Variants in GPX1 observed in about 807,000 individuals in gnomAD.
GPX1 encodes the protein GSHPx-1.
In GPX1, 8 loss-of-function variants were observed where a neutral mutation model predicts 11.5. The ratio of observed to expected loss-of-function variants is 0.70; its 90% CI spans 0.41 to 1.25. GPX1 has a LOEUF of 1.25. Among genes scored for constraint, GPX1 ranks in the 50% most tolerant of loss-of-function variants. The probability of loss-of-function intolerance (pLI) is 0.01; values close to 1 mark genes in which losing one functional copy is unlikely to be tolerated. For synonymous variants in GPX1, 142 were observed against 127.8 expected (o/e 1.11, Z -0.75); for missense variants, 266 against 284.3 (o/e 0.94, Z 0.46).
rs760292994 is a variant in GPX1 at position 49,357,456 on chromosome 3, G to A, written c.544C>T (p.Arg182Cys). 24 of 1,613,122 alleles carry A rather than the reference G, an allele frequency of 1.5e-5. No homozygotes were observed. The highest frequency in any genetic ancestry group is 2.0e-5 in the Non-Finnish European group (24 of 1,179,786). The change falls in exon 2 of 2, where the codon CGC becomes TGC. Residue 182 changes from arginine (R) to cysteine (C), a missense_variant. Coordinates refer to ENST00000419783, the MANE Select transcript of GPX1 (RefSeq NM_000581.4). ...GGCTCGATGTCAATGGTCTGGAAGC[G>A]GCGGCTGTACCTGCGTAGGGGCACA... is the stretch of plus-strand genomic sequence containing the variant. ...DGVPLRRYSR[R>C]FQTIDIEPDI... is the part of the protein sequence containing the mutation.
rs1559490390 is a variant in GPX1, at chr3:49,358,289, T to TC, written c.-12dup. On this transcript the variant is annotated 5_prime_UTR_variant, in exon 1 of 2. Coordinates refer to ENST00000419783, the MANE Select transcript of GPX1 (RefSeq NM_000581.4). ...CCGAGCAGCACACATGGCGCAATTG[T>TC]CCAAGAAGCCAGCGGAGCGCCCCGA... 1 of 1,532,500 alleles carries TC rather than the reference T, an allele frequency of 6.5e-7. No homozygotes were observed. The highest frequency in any genetic ancestry group is 1.4e-5 in the African/African-American group (1 of 72,396). 94.9% of individuals were successfully genotyped at this position (1,532,500 alleles called of 1,614,324 possible).
intron 1 of GPX1, 77 bp downstream of exon 1, chr3:49,357,950 A>G: frequency 6.6e-7 from 1 of 1,516,454 alleles, no homozygotes; most frequent in African/African-American, 1.4e-5. Flanking sequence ...AGCCGACGGC[A>G]CCCACCAGCA....
In GPX1 at chr3:49,357,427, G is replaced by A. The variant is rs1407720681; in HGVS notation, c.573C>T (p.Asp191=). Residue 191 remains aspartate, a synonymous_variant, in exon 2 of 2, where the codon GAC becomes GAT. Coordinates refer to ENST00000419783, the MANE Select transcript of GPX1 (RefSeq NM_000581.4). The part of the protein sequence containing the change: ...RRFQTIDIEP[D]IEALLSQGPS... ...GCCCTTGAGACAGCAGGGCTTCGATGTCAGGCTCGATGTCAATGGTCTGGA... is the reference window on the plus strand; with the variant it reads ...GCCCTTGAGACAGCAGGGCTTCGATATCAGGCTCGATGTCAATGGTCTGGA... 1 of 1,612,866 alleles carries A rather than the reference G, an allele frequency of 6.2e-7. No individual in the cohort carries two copies. The highest frequency in any genetic ancestry group is 1.1e-5 in the South Asian group (1 of 91,056).
chr3:49,358,295 A>C lies in GPX1; in HGVS notation c.-17T>G, dbSNP rs781126878. On this transcript the variant is annotated 5_prime_UTR_variant, in exon 1 of 2. Transcript: ENST00000419783. ...AGCACACATGGCGCAATTGTCCAAGAAGCCAGCGGAGCGCCCCGAACAAGC... is the reference window on the plus strand; with the variant it reads ...AGCACACATGGCGCAATTGTCCAAGCAGCCAGCGGAGCGCCCCGAACAAGC... 5.2e-6 allele frequency: 8 copies of C among 1,530,794 alleles called. No homozygotes were observed. The highest frequency in any genetic ancestry group is 3.6e-5 in the South Asian group (3 of 82,324). 94.8% of individuals were successfully genotyped at this position (1,530,794 alleles called of 1,614,324 possible).
Position 49,358,089 on chromosome 3 carries a change from G to A in GPX1, c.190C>T (p.Arg64Trp). 1 of 1,611,252 alleles carries A rather than the reference G, an allele frequency of 6.2e-7. No individual in the cohort carries two copies. Among genetic ancestry groups the A allele is most frequent in the African/African-American group, 1.3e-5 (1 of 74,946 alleles). ...ACCAGGCCCCGGGGTCCGAGGCGCC[G>A]CTGCAGCTCGTTCATCTGGGTGTAG... ...RDYTQMNELQRRLGPRGLVVL... is the reference protein window; with the variant it reads ...RDYTQMNELQWRLGPRGLVVL... Residue 64 changes from arginine to tryptophan, a missense_variant, in exon 1 of 2, where the codon CGG becomes TGG. Physicochemically the swap from Arg to Trp is moderately radical, Grantham distance 101. Coordinates refer to ENST00000419783, the MANE Select transcript of GPX1 (RefSeq NM_000581.4).
Position 49,357,839 on chromosome 3 carries a change from G to C in GPX1, c.253-92C>G. ...AAGGGAGATTTTCTATGAGTCACCG[G>C]GATTTTGCCCTCCATGCGCAATCCC... On this transcript the variant is annotated intron_variant, in intron 1 of 1. Coordinates refer to ENST00000419783, the MANE Select transcript of GPX1 (RefSeq NM_000581.4). 5 of 1,529,044 alleles carry C rather than the reference G, an allele frequency of 3.3e-6. No homozygotes were observed. The South Asian group carries it at 6.3e-5, about 19-fold the overall frequency. The allele number at this position is 1,529,044 out of a possible 1,614,324, so 94.7% of individuals were successfully genotyped here.
In GPX1 at chr3:49,357,353, T is replaced by A; in HGVS notation, c.*35A>T. 1 of 1,581,730 alleles carries A rather than the reference T, an allele frequency of 6.3e-7. No individual in the cohort carries two copies. Among genetic ancestry groups the A allele is most frequent in the Non-Finnish European group, 8.6e-7 (1 of 1,157,476 alleles). ...GAAAACCCCCCCGAGACAGCAGCAC[T>A]GCAACTGCCAAGCAGCCGGGGTAGG... On this transcript the variant is annotated 3_prime_UTR_variant, in exon 2 of 2. Coordinates refer to ENST00000419783, the MANE Select transcript of GPX1 (RefSeq NM_000581.4).
In GPX1 at chr3:49,357,591, T is replaced by C; in HGVS notation, c.409A>G (p.Ser137Gly). The C allele has an allele frequency of 6.2e-7, 1 of 1,613,088 alleles. No homozygotes were observed. Among genetic ancestry groups the C allele is most frequent in the Non-Finnish European group, 8.5e-7 (1 of 1,179,864 alleles). ...GTCATAAGCGCGGTGGCGTCGTCGC[T>C]GGGAGCTGGCAGGGCCTCCCGCAGG... ...AFLREALPAP[S>G]DDATALMTDP... The change falls in exon 2 of 2, where the codon AGC (serine) becomes GGC (glycine). Residue 137 changes from serine (S) to glycine (G), a missense_variant. Coordinates refer to ENST00000419783, the MANE Select transcript of GPX1 (RefSeq NM_000581.4).
At position 49,357,473 on chromosome 3, in the gene GPX1, A is replaced by C. The variant is rs942256067; in HGVS notation, c.527T>G (p.Leu176Arg). 1 of 1,613,348 alleles carries C rather than the reference A, an allele frequency of 6.2e-7. No individual in the cohort carries two copies. Among genetic ancestry groups the C allele is most frequent in the Non-Finnish European group, 8.5e-7 (1 of 1,179,782 alleles). The stretch of plus-strand genomic sequence containing the variant: ...CTGGAAGCGGCGGCTGTACCTGCGT[A>C]GGGGCACACCGTCAGGGCCCACCAG... ...KFLVGPDGVP[L>R]RRYSRRFQTI... The change falls in exon 2 of 2, where the codon CTA becomes CGA. Residue 176 changes from leucine (L) to arginine (R), a missense_variant. By Grantham distance (102) the Leu-to-Arg change is moderately radical. Coordinates refer to ENST00000419783, the MANE Select transcript of GPX1 (RefSeq NM_000581.4).
Position 49,357,589 on chromosome 3 carries a change from G to T in GPX1, c.411C>A (p.Ser137Arg). 6.2e-7 allele frequency: 1 copy of T among 1,613,114 alleles called. No homozygotes were observed. Among genetic ancestry groups the T allele is most frequent in the Non-Finnish European group, 8.5e-7 (1 of 1,179,860 alleles). ...CGGTCATAAGCGCGGTGGCGTCGTC[G>T]CTGGGAGCTGGCAGGGCCTCCCGCA... ...AFLREALPAP[S>R]DDATALMTDP... The change falls in exon 2 of 2, where the codon AGC (serine) becomes AGA (arginine). Residue 137 changes from serine to arginine, a missense_variant. Coordinates refer to ENST00000419783, the MANE Select transcript of GPX1 (RefSeq NM_000581.4).
chr3:49,358,001 GC>G lies in GPX1; in HGVS notation c.252+25del, dbSNP rs750349446. ...CAGCCACTACTGCACGTCCGCCCCC[GC>G]CCCGCCCCGCTCCGCCCGGCGCACC... On this transcript the variant is annotated intron_variant, in intron 1 of 1. Transcript: ENST00000419783. The G allele has an allele frequency of 8.2e-6, 13 of 1,586,198 alleles. No individual in the cohort carries two copies. In the Admixed American group the frequency reaches 2.3e-4, roughly 27 times the overall value.
At chr3:49,357,906 G>T in intron 1 of GPX1, 121 bp downstream of exon 1, 1 of 1,504,016 alleles carries the variant, frequency 6.6e-7, no homozygotes. Context: ...CAACAGAAAG[G>T]AAACGAGAGA....
In GPX1 at chr3:49,357,697, A is replaced by T. The variant is rs368593444; in HGVS notation, c.303T>A (p.Pro101=). The part of the protein sequence containing the change: ...EILNSLKYVR[P]GGGFEPNFML... Reference sequence around the variant, plus strand: ...TGAAGTTGGGCTCGAACCCACCACCAGGCCGGACGTACTTGAGGGAATTCA... The same window carrying T: ...TGAAGTTGGGCTCGAACCCACCACCTGGCCGGACGTACTTGAGGGAATTCA... Residue 101 remains proline, a synonymous_variant, in exon 2 of 2, where the codon CCT becomes CCA. Transcript: ENST00000419783. 29 of 1,612,126 alleles carry T rather than the reference A, an allele frequency of 1.8e-5. No individual in the cohort carries two copies. The highest frequency in any genetic ancestry group is 2.4e-5 in the Non-Finnish European group (28 of 1,178,880).
Position 49,357,648 on chromosome 3 carries a change from T to A in GPX1, c.352A>T (p.Asn118Tyr), listed in dbSNP as rs1167151978. ...NFMLFEKCEV[N>Y]GAGAHPLFAF... The stretch of plus-strand genomic sequence containing the variant: ...AAGAGAGGGTGCGCCCCCGCACCGT[T>A]CACCTCGCACTTCTCGAAGAGCATG... Residue 118 changes from asparagine to tyrosine, a missense_variant, in exon 2 of 2, where the codon AAC (asparagine) becomes TAC (tyrosine). Transcript: ENST00000419783. 6.2e-7 allele frequency: 1 copy of A among 1,613,342 alleles called. No individual in the cohort carries two copies.
chr3:49,357,184 A>G lies in GPX1; in HGVS notation c.*204T>C. On this transcript the variant is annotated 3_prime_UTR_variant, in exon 2 of 2. Coordinates refer to ENST00000419783, the MANE Select transcript of GPX1 (RefSeq NM_000581.4). The stretch of plus-strand genomic sequence containing the variant: ...ACAGGACATACACACAGTTCTGCTG[A>G]CACCCGGCACTTTATTAGTGGGGAA... The G allele has an allele frequency of 1.7e-6, 1 of 585,512 alleles. No homozygotes were observed. Among genetic ancestry groups the G allele is most frequent in the Non-Finnish European group, 3.1e-6 (1 of 325,742 alleles). 36.3% of individuals were successfully genotyped at this position (585,512 alleles called of 1,614,324 possible). A position where few individuals can be genotyped will look rare whatever the true frequency, so the allele number is the denominator to read the frequency against.
At chr3:49,357,877 G>A in intron 1 of GPX1, 130 bp from the exon 2 acceptor site, 4 of 1,517,632 alleles carry the variant, frequency 2.6e-6, no homozygotes, top group South Asian at 1.3e-5. Context: ...GGGCGGAGAG[G>A]AATTTCAGCA....
chr3:49,357,912 A>G, intron 1 of GPX1, 115 bp downstream of exon 1: 2 of 1,501,592 alleles, frequency 1.3e-6, no homozygotes, highest in Non-Finnish European at 1.8e-6. Flanking sequence ...AAAGGAAACG[A>G]GAGAGTAGCC....
Position 49,358,337 on chromosome 3 carries a change from A to G in GPX1, c.-59T>C, listed in dbSNP as rs1349068934. On this transcript the variant is annotated 5_prime_UTR_variant, in exon 1 of 2. Transcript: ENST00000419783. Reference sequence around the variant, plus strand: ...CGAACAAGCACTGTAAGGGGAGGCCAGCAGGCGCCTCCTTTTAACTGGCCG... The same window carrying G: ...CGAACAAGCACTGTAAGGGGAGGCCGGCAGGCGCCTCCTTTTAACTGGCCG... The G allele has an allele frequency of 8.2e-6, 12 of 1,468,702 alleles. No individual in the cohort carries two copies. The highest frequency in any genetic ancestry group is 9.9e-6 in the Non-Finnish European group (11 of 1,106,430). The allele number at this position is 1,468,702 out of a possible 1,614,324, so 91.0% of individuals were successfully genotyped here.
chr3:49,357,498 G>A lies in GPX1; in HGVS notation c.502C>T (p.Leu168=). Residue 168 remains leucine (L), a synonymous_variant, in exon 2 of 2, where the codon CTG becomes TTG. Transcript: ENST00000419783. ...AGGGGCACACCGTCAGGGCCCACCAGGAACTTCTCAAAGTTCCAGGCAACA... is the reference window on the plus strand; with the variant it reads ...AGGGGCACACCGTCAGGGCCCACCAAGAACTTCTCAAAGTTCCAGGCAACA... The part of the protein sequence containing the change: ...NDVAWNFEKF[L]VGPDGVPLRR... The A allele has an allele frequency of 3.7e-6, 6 of 1,613,750 alleles. No individual in the cohort carries two copies. The highest frequency in any genetic ancestry group is 5.1e-6 in the Non-Finnish European group (6 of 1,179,858).
Sources: allele counts gnomAD v4.1 joint callset, GRCh38; gene constraint gnomAD v4.1.1; transcripts MANE v1.5; gene names NCBI Gene and HGNC (gene_info 2026-07-23, HGNC 2026-07-21).